The following PPP4R3B variants were observed in gnomAD, a reference collection of about 807,000 sequenced individuals.
PPP4R3B encodes serine/threonine-protein phosphatase 4 regulatory subunit 3B.
Under a neutral mutation model 95.4 loss-of-function variants are expected in PPP4R3B, and 52 were observed. The ratio of observed to expected loss-of-function variants is 0.54; its 90% CI spans 0.44 to 0.69. The LOEUF is 0.69. Ranked by LOEUF, PPP4R3B falls within the 30% of genes least tolerant of loss-of-function variation. The pLI is 0.00. For missense variants in PPP4R3B, 1,003 were observed against 1,005.9 expected (o/e 1.00, Z 0.04); for synonymous variants, 407 against 343.9 (o/e 1.18, Z -2.03).
At chr2:55,589,196 G>T (rs1690609403) in intron 4 of PPP4R3B, among the ~76,000 whole-genome samples, 1 of 152,074 alleles carries the variant, frequency 6.6e-6, no homozygotes, top group Admixed American at 6.6e-5. Flanking sequence ...TAACTCTCTG[G>T]AAAACAAAAA....
chr2:55,598,454 T>G lies in PPP4R3B; in HGVS notation c.883A>C (p.Ile295Leu). The change falls in exon 4 of 17, where the codon ATT becomes CTT. Residue 295 changes from isoleucine (I) to leucine (L), a missense_variant. Physicochemically the swap from Ile to Leu is conservative, Grantham distance 5. Around this residue, in one of 3 missense-constraint regions of PPP4R3B, gnomAD observed 695 missense variants for 686.2 expected, o/e 1.01. Transcript: ENST00000616407. ...ENFLSTLTSF[I>L]FFNKVEIVSM... ...ACTATCTCAACTTTGTTGAAGAAAA[T>G]AAAAGACGTAAGAGTAGAAAGAAAA... The G allele has an allele frequency of 6.2e-7, 1 of 1,613,974 alleles. No individual in the cohort carries two copies. The highest frequency in any genetic ancestry group is 8.5e-7 in the Non-Finnish European group (1 of 1,179,976).
chr2:55,590,941 C>G (rs1465067825), intron 4 of PPP4R3B, among the ~76,000 whole-genome samples: 1 of 152,138 alleles, frequency 6.6e-6, no homozygotes, highest in African/African-American at 2.4e-5. Context: ...TGGTGCTACT[C>G]AAAGACAAGA....
chr2:55,549,453 A>C lies in PPP4R3B; in HGVS notation c.*458T>G, dbSNP rs1253894761. On this transcript the variant is annotated 3_prime_UTR_variant, in exon 17 of 17. Transcript: ENST00000616407. ...TGATAGTTGAATGTGTTTTCCATAA[A>C]AATTTCTTTTAAAAAGAGGCAACTG... The C allele has an allele frequency of 6.5e-6, 1 of 153,320 alleles. No individual in the cohort carries two copies. The highest frequency in any genetic ancestry group is 2.4e-5 in the African/African-American group (1 of 41,448). The allele number at this position is 153,320 out of a possible 1,614,324, so 9.5% of individuals were successfully genotyped here.
At chr2:55,606,929 C>G (rs1386156250) in intron 2 of PPP4R3B, among the ~76,000 whole-genome samples, 1 of 151,810 alleles carries the variant, frequency 6.6e-6, no homozygotes, top group African/African-American at 2.4e-5. Context: ...TCTGCTTTGT[C>G]CCATGGTTGA....
chr2:55,581,104 T>G (rs1689381274), intron 8 of PPP4R3B, among the ~76,000 whole-genome samples: 1 of 151,958 alleles, frequency 6.6e-6, no homozygotes, highest in South Asian at 2.1e-4. Context: ...AATACAAAAA[T>G]TAGCCAGGTG....
chr2:55,564,787 T>C lies in PPP4R3B; in HGVS notation c.2075+115A>G. On this transcript the variant is annotated intron_variant, in intron 14 of 16. Transcript: ENST00000616407. ...CGCCTTACCCTCCTATTCAACTCTA[T>C]GCTATCCAGTGATGGAAAGAAAATT... is the stretch of plus-strand genomic sequence containing the variant. 2.4e-6 allele frequency: 3 copies of C among 1,259,124 alleles called. No individual in the cohort carries two copies. In the South Asian group the frequency reaches 4.0e-5, roughly 17 times the overall value. The allele number at this position is 1,259,124 out of a possible 1,614,324, so 78.0% of individuals were successfully genotyped here.
intron 15 of PPP4R3B, among the ~76,000 whole-genome samples, chr2:55,561,784 G>A (rs541493451): frequency 1.4e-4 from 22 of 152,330 alleles, no homozygotes; most frequent in Non-Finnish European, 2.9e-4. Flanking sequence ...CTGTACCCCC[G>A]TTGTATCTTG....
At position 55,579,570 on chromosome 2, in the gene PPP4R3B, C is replaced by G. The variant is rs187667021; in HGVS notation, c.1468+109G>C. 2.3e-5 allele frequency: 14 copies of G among 610,788 alleles called. No homozygotes were observed. The East Asian group carries it at 4.5e-4, about 19-fold the overall frequency. 37.8% of individuals were successfully genotyped at this position (610,788 alleles called of 1,614,324 possible). ...TATATTGCAGTTTAAGTTTTTCAGT[C>G]GTAATCTCCCTGTCTTATAAAGTCT... On this transcript the variant is annotated intron_variant, in intron 9 of 16. Transcript: ENST00000616407.
Position 55,571,455 on chromosome 2 carries a change from T to C in PPP4R3B, c.1765+2164A>G, listed in dbSNP as rs17047095. The stretch of plus-strand genomic sequence containing the variant: ...TTCCAAAATTAATATAAAAATATAA[T>C]GTAATTCCAATCAAAATGAACTGGA... On this transcript the variant is annotated intron_variant, in intron 12 of 16. Transcript: ENST00000616407. Among the ~76,000 whole-genome samples, 776 of 152,136 alleles carry C rather than the reference T, an allele frequency of 5.1e-3. 3 individuals are homozygous for C. Among genetic ancestry groups the C allele is most frequent in the Non-Finnish European group, 8.9e-3 (606 of 67,996 alleles).
intron 1 of PPP4R3B, chr2:55,616,609 G>C (rs1343112217): frequency 6.6e-6 from 1 of 152,202 alleles, no homozygotes; most frequent in Non-Finnish European, 1.5e-5. Context: ...GCAGACTACA[G>C]ATGTATGTGC....
chr2:55,564,801 G>T, intron 14 of PPP4R3B, 101 bp downstream of exon 14: 1 of 1,410,438 alleles, frequency 7.1e-7, no homozygotes, highest in Non-Finnish European at 9.7e-7. Context: ...ATCCAGTGAT[G>T]GAAAGAAAAT....
intron 4 of PPP4R3B, chr2:55,591,533 T>C (rs902198715): frequency 1.0e-6 from 1 of 983,824 alleles, no homozygotes; most frequent in African/African-American, 1.7e-5. Flanking sequence ...TAAATTTCTA[T>C]TTTCCTGCAT....
At chr2:55,584,818 T>C (rs1689921858) in intron 7 of PPP4R3B, among the ~76,000 whole-genome samples, 1 of 152,228 alleles carries the variant, frequency 6.6e-6, no homozygotes, top group African/African-American at 2.4e-5. Context: ...AATCTGATTC[T>C]ATTATAATCT....
rs1693043160 is a variant in PPP4R3B at position 55,604,058 on chromosome 2, A to C, written c.217T>G (p.Ser73Ala). ...GCCAAATCATAGTTCTCTGCTTCTG[A>C]CCAAACAATTAATGTATCCTGTTTA... is the stretch of plus-strand genomic sequence containing the variant. ...QKQQDTLIVWSEAENYDLALS... is the reference protein window; with the variant it reads ...QKQQDTLIVWAEAENYDLALS... Residue 73 changes from serine (S) to alanine (A), a missense_variant, in exon 3 of 17, where the codon TCA becomes GCA. This residue lies in a region of PPP4R3B where 695 missense variants were observed against 686.2 expected (regional missense o/e 1.01). Transcript: ENST00000616407. 6.2e-7 allele frequency: 1 copy of C among 1,608,900 alleles called. No individual in the cohort carries two copies. Among genetic ancestry groups the C allele is most frequent in the Non-Finnish European group, 8.5e-7 (1 of 1,177,922 alleles).
intron 13 of PPP4R3B, among the ~76,000 whole-genome samples, chr2:55,566,414 G>A (rs1687303907): frequency 6.6e-6 from 1 of 152,118 alleles, no homozygotes; most frequent in African/African-American, 2.4e-5. Flanking sequence ...TGCTTTATCT[G>A]TATCTCACCA....
In PPP4R3B at chr2:55,564,391, C is replaced by A. The variant is rs143223785; in HGVS notation, c.2182G>T (p.Val728Phe). ...TTAGGTTTTTCCACTGGTGCCACAA[C>A]TGCTTTTCCTTCCTCTTCTTCATCT... is the stretch of plus-strand genomic sequence containing the variant. Reference protein sequence around the residue: ...NEDEEEEGKAVVAPVEKPKPE... With the variant: ...NEDEEEEGKAFVAPVEKPKPE... The change falls in exon 15 of 17, where the codon GTT becomes TTT. Residue 728 changes from valine (V) to phenylalanine (F), a missense_variant. Coordinates refer to ENST00000616407, the MANE Select transcript of PPP4R3B (RefSeq NM_001122964.3). 7 of 1,613,796 alleles carry A rather than the reference C, an allele frequency of 4.3e-6. 1 individual carries two copies. The highest frequency in any genetic ancestry group is 1.7e-5 in the Admixed American group (1 of 60,000).
At chr2:55,578,453 G>A in intron 9 of PPP4R3B, 111 bp from the exon 10 acceptor site, 1 of 1,068,492 alleles carries the variant, frequency 9.4e-7, no homozygotes, top group Non-Finnish European at 1.2e-6. Flanking sequence ...TTATTAAAAT[G>A]AACATAAAAA....
intron 2 of PPP4R3B, among the ~76,000 whole-genome samples, chr2:55,605,904 C>CAA (rs35675375): frequency 3.2e-4 from 28 of 86,354 alleles, no homozygotes; most frequent in Middle Eastern, 5.4e-3. Context: ...GACTCCGTCT[C>CAA]AAAAAAAAAA....
intron 2 of PPP4R3B, among the ~76,000 whole-genome samples, chr2:55,606,069 GT>G (rs771684559): frequency 1.1e-4 from 17 of 152,022 alleles, no homozygotes; most frequent in Non-Finnish European, 2.2e-4. Flanking sequence ...GTCAGTGCTG[GT>G]TAAAACACCA....
Sources: allele counts gnomAD v4.1 joint callset (sites outside exome capture counted in the v4.1 genomes callset), GRCh38; gene constraint gnomAD v4.1.1; regional missense constraint gnomAD v4.1.1; transcripts MANE v1.5; gene names NCBI Gene and HGNC (gene_info 2026-07-23, HGNC 2026-07-21).